The following STXBP5 variants were observed in gnomAD, a reference collection of about 807,000 sequenced individuals.
STXBP5 encodes syntaxin binding protein 5, also known as syntaxin-binding protein 5.
In STXBP5, 50 loss-of-function variants were observed where a neutral mutation model predicts 152.4. The ratio of observed to expected loss-of-function variants is 0.33; its 90% CI spans 0.26 to 0.42. STXBP5 has a LOEUF of 0.42. STXBP5 is among the 10% of genes least tolerant of loss of function. The probability of loss-of-function intolerance (pLI) is 1.00; values close to 1 mark genes in which losing one functional copy is unlikely to be tolerated. For missense variants in STXBP5, 1,167 were observed against 1,388.6 expected (o/e 0.84, Z 2.54); for synonymous variants, 492 against 494.7 (o/e 0.99, Z 0.07).
chr6:147,259,000 G>A (rs185240232), intron 4 of STXBP5, among the ~76,000 whole-genome samples: 45 of 152,018 alleles, frequency 3.0e-4, no homozygotes, highest in African/African-American at 1.0e-3. Flanking sequence ...GATTTAAAAA[G>A]CATTAAACTT....
chr6:147,248,280 CA>C (rs753458821), intron 4 of STXBP5, among the ~76,000 whole-genome samples: 2,413 of 52,576 alleles, frequency 0.046, 40 homozygotes, highest in African/African-American at 0.13. Context: ...GACTCCATCT[CA>C]AAAAAAAAAA....
intron 8 of STXBP5, among the ~76,000 whole-genome samples, chr6:147,288,227 G>A (rs1368361400): frequency 6.6e-6 from 1 of 152,176 alleles, no homozygotes; most frequent in Non-Finnish European, 1.5e-5. Flanking sequence ...TTTGAGGTCT[G>A]TGTCAAATGA....
At chr6:147,250,432 C>T (rs1779026384) in intron 4 of STXBP5, among the ~76,000 whole-genome samples, 1 of 152,122 alleles carries the variant, frequency 6.6e-6, no homozygotes, top group South Asian at 2.1e-4. Flanking sequence ...AGTATATTTG[C>T]ATTGCACTTA....
At chr6:147,301,402 C>T (rs2128361925) in intron 9 of STXBP5, among the ~76,000 whole-genome samples, 1 of 152,280 alleles carries the variant, frequency 6.6e-6, no homozygotes, top group East Asian at 1.9e-4. Flanking sequence ...AAAAAGTCCA[C>T]AGGCATATAT....
chr6:147,321,142 T>C (rs1355330266), intron 16 of STXBP5, among the ~76,000 whole-genome samples: 1 of 152,176 alleles, frequency 6.6e-6, no homozygotes, highest in Non-Finnish European at 1.5e-5. Flanking sequence ...AACTTATACC[T>C]CATTTTTTTC....
intron 4 of STXBP5, among the ~76,000 whole-genome samples, chr6:147,247,976 A>G (rs980669113): frequency 3.9e-5 from 6 of 151,918 alleles, no homozygotes; most frequent in South Asian, 4.2e-4. Context: ...GGCGAATATA[A>G]GAAGAGTACT....
At position 147,373,675 on chromosome 6, in the gene STXBP5, A is replaced by G. The variant is rs555299019; in HGVS notation, c.3082-56A>G. 7 of 1,305,074 alleles carry G rather than the reference A, an allele frequency of 5.4e-6. No homozygotes were observed. In the South Asian group the frequency reaches 7.1e-5, roughly 13 times the overall value. 80.8% of individuals were successfully genotyped at this position (1,305,074 alleles called of 1,614,324 possible). A position where few individuals can be genotyped will look rare whatever the true frequency, so the allele number is the denominator to read the frequency against. On this transcript the variant is annotated intron_variant, in intron 25 of 27. Transcript: ENST00000321680. Reference sequence around the variant, plus strand: ...GGAGTTTACAGTGATACTTTTGTTCATTATAGTTTAGTTTCCCTGAAATTT... The same window carrying G: ...GGAGTTTACAGTGATACTTTTGTTCGTTATAGTTTAGTTTCCCTGAAATTT...
At chr6:147,278,694 A>G (rs1780560355) in intron 8 of STXBP5, among the ~76,000 whole-genome samples, 1 of 152,182 alleles carries the variant, frequency 6.6e-6, no homozygotes, top group Non-Finnish European at 1.5e-5. Flanking sequence ...AGGACTCAGC[A>G]TATAGTCATA....
intron 22 of STXBP5, among the ~76,000 whole-genome samples, chr6:147,353,683 A>G (rs1009655951): frequency 6.6e-6 from 1 of 152,214 alleles, no homozygotes; most frequent in African/African-American, 2.4e-5. Context: ...AAGTGGTTGT[A>G]TCCCATTTAA....
intron 18 of STXBP5, among the ~76,000 whole-genome samples, chr6:147,331,359 G>A (rs1396573606): frequency 6.6e-6 from 1 of 152,176 alleles, no homozygotes; most frequent in African/African-American, 2.4e-5. Context: ...AGGTTATAAA[G>A]ATTGATTGTT....
At chr6:147,302,823 A>C (rs1235081457) in intron 9 of STXBP5, among the ~76,000 whole-genome samples, 2 of 152,228 alleles carry the variant, frequency 1.3e-5, no homozygotes, top group African/African-American at 2.4e-5. Context: ...ATACTGGCGT[A>C]TAACATGTAT....
chr6:147,348,239 GTTC>G (rs1247089746), intron 21 of STXBP5, among the ~76,000 whole-genome samples: 2 of 152,100 alleles, frequency 1.3e-5, no homozygotes, highest in Non-Finnish European at 1.5e-5. Flanking sequence ...ATACTGCACA[GTTC>G]TTCTGCCTGC....
At chr6:147,379,221 TC>T (rs957315997) in intron 26 of STXBP5, among the ~76,000 whole-genome samples, 4 of 152,130 alleles carry the variant, frequency 2.6e-5, no homozygotes, top group African/African-American at 7.2e-5. Flanking sequence ...AAGATCCTTT[TC>T]CTATATAAGG....
chr6:147,383,357 C>T (rs1786185888), intron 27 of STXBP5, among the ~76,000 whole-genome samples: 1 of 152,190 alleles, frequency 6.6e-6, no homozygotes, highest in South Asian at 2.1e-4. Context: ...TAATTTGCCT[C>T]CTTGAGTCTT....
chr6:147,273,195 T>TAAAAAAAAAA (rs61153710), intron 7 of STXBP5, among the ~76,000 whole-genome samples: 2 of 129,316 alleles, frequency 1.5e-5, no homozygotes, highest in Non-Finnish European at 1.6e-5. Flanking sequence ...TCTAAAAAAG[T>TAAAAAAAAAA]AAAAAAAAAA....
chr6:147,318,819 A>G (rs1014018087), intron 16 of STXBP5, among the ~76,000 whole-genome samples: 4 of 152,166 alleles, frequency 2.6e-5, no homozygotes, highest in Admixed American at 6.5e-5. Context: ...CTGAATCCTA[A>G]AATAACTAAT....
chr6:147,319,312 T>C (rs574309992), intron 16 of STXBP5, among the ~76,000 whole-genome samples: 7 of 152,256 alleles, frequency 4.6e-5, no homozygotes, highest in African/African-American at 1.7e-4. Flanking sequence ...TTGATTAGCC[T>C]GGAATTATTC....
chr6:147,383,110 A>C, intron 27 of STXBP5, 112 bp downstream of exon 27: 3 of 1,247,218 alleles, frequency 2.4e-6, no homozygotes, highest in Non-Finnish European at 2.2e-6. Context: ...GCATATATTC[A>C]TTGTACAATT....
intron 9 of STXBP5, among the ~76,000 whole-genome samples, chr6:147,306,773 C>G (rs530865933): frequency 6.6e-6 from 1 of 152,278 alleles, no homozygotes; most frequent in African/African-American, 2.4e-5. Flanking sequence ...TGGCTGGCTC[C>G]TATTCATTTA....
Sources: allele counts gnomAD v4.1 joint callset (sites outside exome capture counted in the v4.1 genomes callset), GRCh38; gene constraint gnomAD v4.1.1; transcripts MANE v1.5; gene names NCBI Gene and HGNC (gene_info 2026-07-23, HGNC 2026-07-21).